Variants in NFATC3 observed in about 807,000 individuals in gnomAD.
The protein encoded by NFATC3 is nuclear factor of activated T cells 3, also known as nuclear factor of activated T-cells, cytoplasmic 3.
In NFATC3, 46 loss-of-function variants were observed where a neutral mutation model predicts 98.6. The observed-to-expected ratio is 0.47, with a 90% confidence interval of 0.37 to 0.60. NFATC3 has a LOEUF of 0.60. Ranked by LOEUF, NFATC3 falls within the 20% of genes least tolerant of loss-of-function variation. The pLI, the probability that NFATC3 is intolerant of heterozygous loss-of-function variation, is 0.00. For synonymous variants in NFATC3, 512 were observed against 472.2 expected (o/e 1.08, Z -1.09); for missense variants, 1,256 against 1,295.5 (o/e 0.97, Z 0.47).
chr16:68,157,899 C>G lies in NFATC3; in HGVS notation c.1432C>G (p.Leu478Val). 2 of 1,613,494 alleles carry G rather than the reference C, an allele frequency of 1.2e-6. No individual in the cohort carries two copies. The highest frequency in any genetic ancestry group is 1.7e-6 in the Non-Finnish European group (2 of 1,179,762). Residue 478 changes from leucine (L) to valine (V), a missense_variant, in exon 4 of 10, where the codon CTA (leucine) becomes GTA (valine). Coordinates refer to ENST00000346183, the MANE Select transcript of NFATC3 (RefSeq NM_173165.3). ...LLGYNEKPINLQMFIGTADDR... is the reference protein window; with the variant it reads ...LLGYNEKPINVQMFIGTADDR... ...GGGCTATAACGAAAAGCCAATAAATCTACAAATGTTTATTGGGACAGCAGA... is the reference window on the plus strand; with the variant it reads ...GGGCTATAACGAAAAGCCAATAAATGTACAAATGTTTATTGGGACAGCAGA...
intron 1 of NFATC3, among the ~76,000 whole-genome samples, chr16:68,108,710 C>T (rs754843140): frequency 3.9e-5 from 6 of 152,154 alleles, no homozygotes; most frequent in African/African-American, 2.4e-5. Context: ...TATCCATGAG[C>T]ATGGAATGTT....
chr16:68,220,852 G>A (rs1298533527), intron 9 of NFATC3, among the ~76,000 whole-genome samples: 1 of 151,838 alleles, frequency 6.6e-6, no homozygotes, highest in African/African-American at 2.4e-5. Context: ...TTGGGAGGCG[G>A]AGCTTGCAGT....
intron 5 of NFATC3, 35 bp from the exon 6 acceptor site, chr16:68,174,339 G>T: frequency 2.2e-6 from 3 of 1,362,752 alleles, no homozygotes; most frequent in Non-Finnish European, 1.9e-6. Context: ...CTAATATTTT[G>T]TTTTTTCTCA....
At chr16:68,214,194 T>C in intron 9 of NFATC3, 1 of 599,706 alleles carries the variant, frequency 1.7e-6, no homozygotes. Context: ...AGAGCCATTT[T>C]ATGCAGTGAT....
At chr16:68,116,959 A>G (rs908619862) in intron 1 of NFATC3, among the ~76,000 whole-genome samples, 7 of 152,358 alleles carry the variant, frequency 4.6e-5, no homozygotes, top group South Asian at 2.1e-4. Context: ...TCAAGGTGCT[A>G]TATATACCCT....
chr16:68,144,243 C>T (rs965436434), intron 3 of NFATC3, among the ~76,000 whole-genome samples: 1 of 152,146 alleles, frequency 6.6e-6, no homozygotes, highest in South Asian at 2.1e-4. Context: ...GTTATCATTA[C>T]ATACCTATTA....
chr16:68,138,415 A>G, intron 3 of NFATC3: 1 of 860,536 alleles, frequency 1.2e-6, no homozygotes, highest in East Asian at 6.2e-5. Flanking sequence ...ATGGTAGCCT[A>G]ACTACTGTAA....
At chr16:68,153,780 A>AT (rs1187980335) in intron 3 of NFATC3, among the ~76,000 whole-genome samples, 1 of 151,372 alleles carries the variant, frequency 6.6e-6, no homozygotes, top group African/African-American at 2.4e-5. Flanking sequence ...TGCCCGGCTA[A>AT]TTTTTTGTGT....
At chr16:68,217,209 A>G (rs1380853346) in intron 9 of NFATC3, among the ~76,000 whole-genome samples, 1 of 152,098 alleles carries the variant, frequency 6.6e-6, no homozygotes, top group Non-Finnish European at 1.5e-5. Context: ...AGGTAGGCAG[A>G]TTGCTTGAGC....
chr16:68,128,044 A>G (rs749098450), intron 3 of NFATC3, among the ~76,000 whole-genome samples: 1 of 151,802 alleles, frequency 6.6e-6, no homozygotes, highest in Non-Finnish European at 1.5e-5. Flanking sequence ...TCTATGTTCC[A>G]TGGGTTCTTT....
At chr16:68,098,311 T>C (rs1487456473) in intron 1 of NFATC3, among the ~76,000 whole-genome samples, 1 of 137,824 alleles carries the variant, frequency 7.3e-6, no homozygotes, top group Non-Finnish European at 1.6e-5. Flanking sequence ...TTTTTTTTTT[T>C]TTTTTTTTAG....
chr16:68,174,737 A>G (rs2039609757), intron 6 of NFATC3, among the ~76,000 whole-genome samples: 1 of 152,220 alleles, frequency 6.6e-6, no homozygotes, highest in South Asian at 2.1e-4. Context: ...AGTTCCAGCT[A>G]CTCAGAAGGC....
intron 3 of NFATC3, among the ~76,000 whole-genome samples, chr16:68,152,515 G>A (rs1447226450): frequency 2.0e-5 from 3 of 152,044 alleles, no homozygotes; most frequent in Non-Finnish European, 4.4e-5. Context: ...TACACCTGGT[G>A]TTTTGTTTTT....
rs1023897380 is a variant in NFATC3, at chr16:68,085,542, C to T, written c.-140C>T. ...ACGGAACGCTCGGCGTCGCGGGCCCCGCCCGGAAAGTTTGCCGTGGAGTCG... is the reference window on the plus strand; with the variant it reads ...ACGGAACGCTCGGCGTCGCGGGCCCTGCCCGGAAAGTTTGCCGTGGAGTCG... On this transcript the variant is annotated 5_prime_UTR_variant, in exon 1 of 10. Transcript: ENST00000346183. 9 of 693,700 alleles carry T rather than the reference C, an allele frequency of 1.3e-5. No homozygotes were observed. Among genetic ancestry groups the T allele is most frequent in the African/African-American group, 3.9e-5 (2 of 51,840 alleles). 43.0% of individuals were successfully genotyped at this position (693,700 alleles called of 1,614,324 possible). A position where few individuals can be genotyped will look rare whatever the true frequency, so the allele number is the denominator to read the frequency against.
At chr16:68,157,143 A>G (rs1472582294) in intron 3 of NFATC3, among the ~76,000 whole-genome samples, 4 of 151,892 alleles carry the variant, frequency 2.6e-5, no homozygotes, top group South Asian at 2.1e-4. Context: ...CAATTAGGCA[A>G]TATAAAAGAA....
At chr16:68,186,425 A>G (rs779852243) in intron 8 of NFATC3, among the ~76,000 whole-genome samples, 24 of 152,138 alleles carry the variant, frequency 1.6e-4, no homozygotes, top group Non-Finnish European at 3.2e-4. Context: ...CTGTAGTCCC[A>G]GCTGCTGGGG....
At chr16:68,187,989 G>T (rs1392772881) in intron 8 of NFATC3, among the ~76,000 whole-genome samples, 1 of 152,138 alleles carries the variant, frequency 6.6e-6, no homozygotes, top group Admixed American at 6.5e-5. Context: ...CTGCAAACCA[G>T]GGCTGAGCTG....
chr16:68,193,360 C>T (rs1285052664), intron 9 of NFATC3, among the ~76,000 whole-genome samples: 1 of 152,060 alleles, frequency 6.6e-6, no homozygotes, highest in African/African-American at 2.4e-5. Flanking sequence ...CATGCATGCT[C>T]AAGTTTCACA....
chr16:68,100,662 C>G (rs533856540), intron 1 of NFATC3, among the ~76,000 whole-genome samples: 1 of 151,184 alleles, frequency 6.6e-6, no homozygotes, highest in Non-Finnish European at 1.5e-5. Context: ...CTCAGTTTCT[C>G]TGCATCTTGG....
Sources: gnomAD v4.1 joint callset for allele counts (sites outside exome capture counted in the v4.1 genomes callset) on GRCh38, gnomAD v4.1.1 for gene constraint, MANE v1.5 for transcripts, NCBI Gene and HGNC (gene_info 2026-07-23, HGNC 2026-07-21) for gene names.